CCDC73: variants seen among roughly 807,000 people sequenced by gnomAD.
The protein encoded by CCDC73 is coiled-coil domain containing 73.
A neutral mutation model predicts 116.5 loss-of-function variants in CCDC73; 95 were observed. The observed-to-expected ratio is 0.82, with a 90% confidence interval of 0.69 to 0.97. The LOEUF is 0.97. Ranked by LOEUF, CCDC73 falls within the 50% of genes least tolerant of loss-of-function variation. CCDC73 has a pLI of 0.00. For synonymous variants in CCDC73, 398 were observed against 401.3 expected (o/e 0.99, Z 0.10); for missense variants, 1,066 against 1,206.8 (o/e 0.88, Z 1.73).
chr11:32,604,855 A>G (rs1855325376), intron 17 of CCDC73: 1 of 151,658 alleles, frequency 6.6e-6, no homozygotes, highest in African/African-American at 2.4e-5. Context: ...TACTAAGTTT[A>G]TTTTATTTTA....
At chr11:32,719,990 A>G (rs1329493955) in intron 2 of CCDC73, among the ~76,000 whole-genome samples, 1 of 152,168 alleles carries the variant, frequency 6.6e-6, no homozygotes, top group Non-Finnish European at 1.5e-5. Context: ...AATTAACACC[A>G]CTTTTACACA....
At chr11:32,617,191 T>C (rs1855481820) in intron 14 of CCDC73, among the ~76,000 whole-genome samples, 1 of 151,160 alleles carries the variant, frequency 6.6e-6, no homozygotes, top group Non-Finnish European at 1.5e-5. Context: ...TGTTAAGGAG[T>C]TTCAACTCTA....
At chr11:32,801,535 G>A in the CCDC73 span, among the ~76,000 whole-genome samples, 9 of 152,064 alleles carry the variant, frequency 5.9e-5, no homozygotes, top group Non-Finnish European at 1.3e-4. Flanking sequence ...CAGCTACTTG[G>A]GAGGCTGAGG....
rs189060524 is a variant in CCDC73 at position 32,755,525 on chromosome 11, C to T, written c.135+4584G>A. ...CTCCAGCCTGGGTGACAAAGCAAGA[C>T]TCCATCTCAAAATATATATATATAT... On this transcript the variant is annotated intron_variant, in intron 2 of 17. Transcript: ENST00000335185. Among the ~76,000 whole-genome samples the T allele has an allele frequency of 6.2e-3, 553 of 89,622 alleles. 7 individuals carry two copies. Among genetic ancestry groups the T allele is most frequent in the Non-Finnish European group, 9.3e-3 (421 of 45,306 alleles). The allele number at this position is 89,622 out of a possible 152,430, so 58.8% of individuals were successfully genotyped here.
chr11:32,661,328 T>C (rs1213533464), intron 9 of CCDC73, among the ~76,000 whole-genome samples: 1 of 152,206 alleles, frequency 6.6e-6, no homozygotes, highest in Non-Finnish European at 1.5e-5. Flanking sequence ...TACTTTAAGT[T>C]CTATGGTACA....
intron 7 of CCDC73, among the ~76,000 whole-genome samples, chr11:32,676,409 C>G (rs1349809592): frequency 6.6e-6 from 1 of 152,142 alleles, no homozygotes; most frequent in South Asian, 2.1e-4. Context: ...TAATCAGGAC[C>G]TATCTAGATC....
chr11:32,656,147 G>A (rs1045870339), intron 9 of CCDC73, among the ~76,000 whole-genome samples: 4 of 150,972 alleles, frequency 2.6e-5, no homozygotes, highest in South Asian at 2.1e-4. Flanking sequence ...GCACGATCTC[G>A]GCTCACTGCA....
intron 14 of CCDC73, among the ~76,000 whole-genome samples, chr11:32,623,808 A>G (rs527728): frequency 0.43 from 65,915 of 151,974 alleles, 14,719 homozygotes; most frequent in African/African-American, 0.49. Flanking sequence ...TTATTTGTTT[A>G]CTTTTTAAAA....
At chr11:32,659,605 T>C (rs1274317870) in intron 9 of CCDC73, among the ~76,000 whole-genome samples, 3 of 152,148 alleles carry the variant, frequency 2.0e-5, no homozygotes, top group Non-Finnish European at 4.4e-5. Context: ...GTTTTAAACA[T>C]CCATAAATTT....
rs1183126514 is a variant in CCDC73, at chr11:32,654,106, A to G, written c.775-69T>C. The G allele has an allele frequency of 1.1e-5, 16 of 1,408,766 alleles. No individual in the cohort carries two copies. In the Admixed American group the frequency reaches 1.6e-4, roughly 14 times the overall value. 87.3% of individuals were successfully genotyped at this position (1,408,766 alleles called of 1,614,324 possible). A position where few individuals can be genotyped will look rare whatever the true frequency, so the allele number is the denominator to read the frequency against. ...CAAATTCTACATTCAATTCAGTACTAAACAAATTTTGGAGTGTTATGACCT... is the reference window on the plus strand; with the variant it reads ...CAAATTCTACATTCAATTCAGTACTGAACAAATTTTGGAGTGTTATGACCT... On this transcript the variant is annotated intron_variant, in intron 10 of 17. Coordinates refer to ENST00000335185, the MANE Select transcript of CCDC73 (RefSeq NM_001008391.4).
At chr11:32,825,637 T>G in the CCDC73 span, among the ~76,000 whole-genome samples, 1 of 152,168 alleles carries the variant, frequency 6.6e-6, no homozygotes, top group Non-Finnish European at 1.5e-5. Flanking sequence ...CACCGTCAAT[T>G]GCATAGCTAG....
chr11:32,763,687 A>T (rs1160656328), intron 1 of CCDC73, among the ~76,000 whole-genome samples: 1 of 152,232 alleles, frequency 6.6e-6, no homozygotes, highest in Non-Finnish European at 1.5e-5. Context: ...AAAAGCTGAA[A>T]ATTCTAAAAA....
chr11:32,629,072 A>G (rs1340049579), intron 14 of CCDC73, among the ~76,000 whole-genome samples: 2 of 152,210 alleles, frequency 1.3e-5, no homozygotes, highest in African/African-American at 2.4e-5. Context: ...TAAAAAAGAA[A>G]TACAAATGAA....
At chr11:32,689,169 A>G (rs1856231658) in intron 6 of CCDC73, among the ~76,000 whole-genome samples, 1 of 152,192 alleles carries the variant, frequency 6.6e-6, no homozygotes, top group Non-Finnish European at 1.5e-5. Context: ...GAGAAACAGA[A>G]AAACCTAAAC....
rs867233116 is a variant in CCDC73, at chr11:32,705,544, G to A, written c.208-2600C>T. On this transcript the variant is annotated intron_variant, in intron 3 of 17. Coordinates refer to ENST00000335185, the MANE Select transcript of CCDC73 (RefSeq NM_001008391.4). ...ACGCTCACTCGCTCACACACCCCTCGTCACTGTGTGCCTGGCTTGCTCTTG... is the reference window on the plus strand; with the variant it reads ...ACGCTCACTCGCTCACACACCCCTCATCACTGTGTGCCTGGCTTGCTCTTG... Among the ~76,000 whole-genome samples the A allele has an allele frequency of 3.3e-5, 5 of 152,120 alleles. 1 individual carries two copies. The highest frequency in any genetic ancestry group is 1.9e-4 in the East Asian group (1 of 5,174).
chr11:32,741,002 T>G (rs1223842525), intron 2 of CCDC73, among the ~76,000 whole-genome samples: 1 of 152,178 alleles, frequency 6.6e-6, no homozygotes, highest in African/African-American at 2.4e-5. Context: ...TCATTATTGA[T>G]TTCCAGTTTT....
At chr11:32,827,471 G>A in the CCDC73 span, among the ~76,000 whole-genome samples, 4 of 152,170 alleles carry the variant, frequency 2.6e-5, no homozygotes, top group African/African-American at 9.7e-5. Context: ...GATATTTGAT[G>A]TCAGCACAAG....
chr11:32,752,142 G>A (rs1282504874), intron 2 of CCDC73, among the ~76,000 whole-genome samples: 1 of 152,152 alleles, frequency 6.6e-6, no homozygotes, highest in East Asian at 1.9e-4. Context: ...GCCCCAGTGT[G>A]AGAGTACTTA....
chr11:32,603,371 T>G (rs1855302571), intron 17 of CCDC73: 1 of 177,030 alleles, frequency 5.6e-6, no homozygotes. Context: ...ATTTTAAAAA[T>G]AGTGTGTTAA....
Sources: gnomAD v4.1 joint callset for allele counts (sites outside exome capture counted in the v4.1 genomes callset) on GRCh38, gnomAD v4.1.1 for gene constraint, MANE v1.5 for transcripts, NCBI Gene and HGNC (gene_info 2026-07-23, HGNC 2026-07-21) for gene names.